Variants in SLC36A1 observed in about 807,000 individuals in gnomAD.
SLC36A1 encodes proton-coupled amino acid transporter 1.
SLC36A1 carries 30 observed loss-of-function variants against 47.5 expected under a neutral mutation model. The observed-to-expected ratio is 0.63, with a 90% CI of 0.47 to 0.86. The LOEUF is 0.86. SLC36A1 is among the 40% of genes least tolerant of loss of function. SLC36A1 has a pLI of 0.00. For synonymous variants in SLC36A1, 255 were observed against 249.7 expected (o/e 1.02, Z -0.20); for missense variants, 517 against 606.0 (o/e 0.85, Z 1.54).
the SLC36A1 span, among the ~76,000 whole-genome samples, chr5:151,361,584 A>C: frequency 6.6e-6 from 1 of 152,196 alleles, no homozygotes; most frequent in African/African-American, 2.4e-5. Context: ...TGTATTTAAA[A>C]TTTCATACTA....
upstream of SLC36A1, among the ~76,000 whole-genome samples, chr5:151,442,658 A>G (rs1266661101): frequency 2.6e-5 from 4 of 152,138 alleles, no homozygotes; most frequent in Non-Finnish European, 5.9e-5. Flanking sequence ...CTGCTCAGCT[A>G]CTAGTAACCT....
the SLC36A1 span, among the ~76,000 whole-genome samples, chr5:151,413,552 T>G: frequency 6.6e-6 from 1 of 152,168 alleles, no homozygotes; most frequent in African/African-American, 2.4e-5. Context: ...TCACATAACT[T>G]TCGCCTTTTT....
the SLC36A1 span, among the ~76,000 whole-genome samples, chr5:151,518,348 C>CTAATAATAA: frequency 0.069 from 6,986 of 101,408 alleles, 447 homozygotes; most frequent in African/African-American, 0.16. Context: ...GACCATGTCT[C>CTAATAATAA]TAATAATAAT....
At chr5:151,367,352 C>A in the SLC36A1 span, among the ~76,000 whole-genome samples, 12 of 90,612 alleles carry the variant, frequency 1.3e-4, no homozygotes, top group African/African-American at 6.4e-4. Flanking sequence ...GACCTCCCCC[C>A]AGGAATGCAT....
intron 9 of SLC36A1, among the ~76,000 whole-genome samples, chr5:151,479,027 C>T (rs1032687325): frequency 6.6e-6 from 1 of 152,180 alleles, no homozygotes. Flanking sequence ...AAAAGCTATA[C>T]GGGGGCACCA....
chr5:151,371,402 A>C, the SLC36A1 span, among the ~76,000 whole-genome samples: 94 of 152,350 alleles, frequency 6.2e-4, no homozygotes, highest in African/African-American at 2.2e-3. Context: ...TTATCCCCCT[A>C]GCCCTAGACA....
chr5:151,529,500 A>G, the SLC36A1 span: 1 of 842,296 alleles, frequency 1.2e-6, no homozygotes, highest in Admixed American at 2.0e-5. Context: ...AGGGCTAGGC[A>G]AGGTAAGTGT....
At chr5:151,531,465 C>T in the SLC36A1 span, 8 of 1,322,776 alleles carry the variant, frequency 6.0e-6, no homozygotes, top group East Asian at 2.5e-5. This position sits in a 1 kb window ranked among gnomAD's most constrained non-coding sequence, Gnocchi z 5.7. Context: ...AATGGAGAAA[C>T]GACCAGAGGA....
chr5:151,509,771 G>A, the SLC36A1 span: 1 of 438,718 alleles, frequency 2.3e-6, no homozygotes, highest in Non-Finnish European at 4.1e-6. Flanking sequence ...TGCAATAAAT[G>A]TCATGTGCTT....
intron 2 of SLC36A1, among the ~76,000 whole-genome samples, chr5:151,460,755 A>G (rs1755388052): frequency 6.6e-6 from 1 of 151,248 alleles, no homozygotes; most frequent in Non-Finnish European, 1.5e-5. Flanking sequence ...TTAATATTTT[A>G]ATATGTCGGA....
chr5:151,377,070 C>T, the SLC36A1 span, among the ~76,000 whole-genome samples: 1 of 152,170 alleles, frequency 6.6e-6, no homozygotes, highest in African/African-American at 2.4e-5. Context: ...TCCCTGTGGT[C>T]TGAGAAGACA....
chr5:151,414,447 T>C, the SLC36A1 span, among the ~76,000 whole-genome samples: 1 of 152,212 alleles, frequency 6.6e-6, no homozygotes. Context: ...TAGGGTCTTG[T>C]GAGCCAGATT....
chr5:151,554,324 G>A, the SLC36A1 span: 7 of 1,576,336 alleles, frequency 4.4e-6, no homozygotes, highest in East Asian at 1.6e-4. Flanking sequence ...TAACCAGCAT[G>A]CCACTCCTCC....
chr5:151,486,818 C>T (rs1759629073), intron 10 of SLC36A1, among the ~76,000 whole-genome samples: 1 of 152,196 alleles, frequency 6.6e-6, no homozygotes, highest in Non-Finnish European at 1.5e-5. Flanking sequence ...TGATTGCTAA[C>T]AGGTTAGTAA....
the SLC36A1 span, chr5:151,542,793 C>T: frequency 1.2e-6 from 2 of 1,614,208 alleles, no homozygotes; most frequent in South Asian, 1.1e-5. Context: ...AGACCAAGGA[C>T]ACCACATCAG....
At chr5:151,379,628 G>GGCGCTCTTCACTTTAATTGTGGCC in the SLC36A1 span, among the ~76,000 whole-genome samples, 1 of 152,150 alleles carries the variant, frequency 6.6e-6, no homozygotes, top group South Asian at 2.1e-4. Flanking sequence ...CACCGTGCCC[G>GGCGCTCTTCACTTTAATTGTGGCC]GCGCTCTTCA....
chr5:151,358,960 G>A, the SLC36A1 span, among the ~76,000 whole-genome samples: 17 of 126,550 alleles, frequency 1.3e-4, no homozygotes, highest in East Asian at 2.2e-3. Flanking sequence ...CGGCCTGGGC[G>A]ACAGAGCGAG....
At chr5:151,398,176 T>G in the SLC36A1 span, among the ~76,000 whole-genome samples, 1,739 of 152,258 alleles carry the variant, frequency 0.011, 34 homozygotes, top group African/African-American at 0.04. Context: ...CCATTGCCCC[T>G]TGAGTTAACA....
the SLC36A1 span, among the ~76,000 whole-genome samples, chr5:151,413,356 A>G: frequency 1.0e-4 from 15 of 149,458 alleles, no homozygotes; most frequent in East Asian, 2.7e-3. Flanking sequence ...ATTGTTTATG[A>G]TATCAATAAC....
Sources: gnomAD v4.1 joint callset for allele counts (sites outside exome capture counted in the v4.1 genomes callset) on GRCh38, gnomAD v4.1.1 for gene constraint, Gnocchi (gnomAD v3.1) non-coding constraint, MANE v1.5 for transcripts, NCBI Gene and HGNC (gene_info 2026-07-23, HGNC 2026-07-21) for gene names.